The following IMMP2L variants were observed in gnomAD, a reference collection of about 807,000 sequenced individuals.
IMMP2L encodes inner mitochondrial membrane peptidase subunit 2.
A neutral mutation model predicts 19.3 loss-of-function variants in IMMP2L; 18 were observed. The observed-to-expected ratio is 0.93, with a 90% CI of 0.64 to 1.38. IMMP2L has a LOEUF of 1.38. IMMP2L is among the 40% of genes most tolerant of loss of function. The pLI is 0.00. For synonymous variants in IMMP2L, 76 were observed against 73.0 expected (o/e 1.04, Z -0.21); for missense variants, 233 against 218.2 (o/e 1.07, Z -0.43).
chr7:110,819,790 A>C (rs543436842), intron 5 of IMMP2L, among the ~76,000 whole-genome samples: 10 of 152,218 alleles, frequency 6.6e-5, no homozygotes, highest in Non-Finnish European at 1.3e-4. Context: ...TTCCTAGTTA[A>C]ATAATCATTA....
chr7:110,769,415 T>C (rs1323708159), intron 5 of IMMP2L, among the ~76,000 whole-genome samples: 1 of 152,172 alleles, frequency 6.6e-6, no homozygotes, highest in Non-Finnish European at 1.5e-5. Flanking sequence ...TAATTCCTCA[T>C]TATGCTGGGA....
At chr7:111,122,866 T>A in intron 3 of IMMP2L, 1 of 1,613,944 alleles carries the variant, frequency 6.2e-7, no homozygotes, top group Non-Finnish European at 8.5e-7. Context: ...TTGTCCACGG[T>A]TATGTACGTG....
At chr7:111,507,489 G>GT (rs1316787853) in intron 2 of IMMP2L, among the ~76,000 whole-genome samples, 1 of 151,972 alleles carries the variant, frequency 6.6e-6, no homozygotes, top group Non-Finnish European at 1.5e-5. Flanking sequence ...ACAGATCATC[G>GT]TAATTCCAGT....
intron 3 of IMMP2L, among the ~76,000 whole-genome samples, chr7:111,236,031 T>G (rs1193644117): frequency 6.6e-6 from 1 of 152,138 alleles, no homozygotes; most frequent in African/African-American, 2.4e-5. Flanking sequence ...GATTTAAGTC[T>G]TTTTCACATC....
chr7:110,917,833 G>C (rs1187653527), intron 4 of IMMP2L, among the ~76,000 whole-genome samples: 1 of 151,918 alleles, frequency 6.6e-6, no homozygotes, highest in East Asian at 1.9e-4. Context: ...ATTCCCAATT[G>C]GATAATAAGA....
At chr7:110,897,566 C>G (rs955214040) in intron 4 of IMMP2L, among the ~76,000 whole-genome samples, 1 of 152,162 alleles carries the variant, frequency 6.6e-6, no homozygotes, top group African/African-American at 2.4e-5. Flanking sequence ...AATTCATTTG[C>G]CTTAAGATCT....
intron 3 of IMMP2L, among the ~76,000 whole-genome samples, chr7:111,142,325 CA>C (rs761556733): frequency 0.13 from 8,218 of 62,178 alleles, 640 homozygotes; most frequent in African/African-American, 0.34. Context: ...GACTCTGTCT[CA>C]AAAAAAAAAA....
intron 3 of IMMP2L, among the ~76,000 whole-genome samples, chr7:111,297,264 C>T (rs577821551): frequency 6.6e-6 from 1 of 152,200 alleles, no homozygotes; most frequent in African/African-American, 2.4e-5. Context: ...ACCAACATCT[C>T]TTCCCTGCTT....
intron 1 of IMMP2L, among the ~76,000 whole-genome samples, chr7:111,536,985 A>G (rs1847944250): frequency 6.6e-6 from 1 of 152,128 alleles, no homozygotes; most frequent in African/African-American, 2.4e-5. Flanking sequence ...CAGGAAAAGC[A>G]GAGAAATCTT....
intron 2 of IMMP2L, among the ~76,000 whole-genome samples, chr7:111,493,892 C>G (rs1408889270): frequency 6.6e-6 from 1 of 150,860 alleles, no homozygotes; most frequent in South Asian, 2.1e-4. Flanking sequence ...CCCAGCTACT[C>G]GGGAGGCTGA....
intron 4 of IMMP2L, among the ~76,000 whole-genome samples, chr7:110,903,378 T>C (rs1320291183): frequency 2.6e-5 from 4 of 152,208 alleles, no homozygotes; most frequent in African/African-American, 9.6e-5. Flanking sequence ...CTTGCTTATC[T>C]GAAACTTTAT....
chr7:111,240,307 T>C lies in IMMP2L; in HGVS notation c.239+246931A>G, dbSNP rs115544106. Among the ~76,000 whole-genome samples the C allele has an allele frequency of 4.1e-3, 623 of 152,114 alleles. 9 individuals carry two copies. Among genetic ancestry groups the C allele is most frequent in the African/African-American group, 0.015 (603 of 41,560 alleles). ...TGTTCTTCTAAAAAGAGTAATTTAA[T>C]AACTTGACTTATTTAAGTTTGATTC... On this transcript the variant is annotated intron_variant, in intron 3 of 5. Coordinates refer to ENST00000405709, the MANE Select transcript of IMMP2L (RefSeq NM_032549.4).
chr7:110,748,601 C>A (rs984674254), intron 5 of IMMP2L, among the ~76,000 whole-genome samples: 4 of 151,972 alleles, frequency 2.6e-5, no homozygotes, highest in African/African-American at 9.7e-5. Flanking sequence ...GCCACACATA[C>A]ACAATCATCT....
intron 3 of IMMP2L, among the ~76,000 whole-genome samples, chr7:110,976,546 A>G (rs948154911): frequency 6.6e-6 from 1 of 152,104 alleles, no homozygotes; most frequent in Non-Finnish European, 1.5e-5. Context: ...GAGATTTTAA[A>G]AAATTTTATA....
chr7:111,402,123 AAATAATAATAATAATAATAATAATAAT>A (rs59071691), intron 3 of IMMP2L, among the ~76,000 whole-genome samples: 15 of 137,346 alleles, frequency 1.1e-4, no homozygotes, highest in African/African-American at 2.7e-4. Context: ...CCCATCTCAA[AAATAATAATAATAATAATAATAATAAT>A]AATAATAATA....
At chr7:111,231,367 G>A (rs1006173703) in intron 3 of IMMP2L, among the ~76,000 whole-genome samples, 8 of 151,938 alleles carry the variant, frequency 5.3e-5, no homozygotes, top group African/African-American at 1.7e-4. Flanking sequence ...AACAGCCACA[G>A]GTCTTCTTTG....
In IMMP2L at chr7:111,446,870, A is replaced by G. The variant is rs1469314136; in HGVS notation, c.239+40368T>C. On this transcript the variant is annotated intron_variant, in intron 3 of 5. Transcript: ENST00000405709. ...TACAGAGAAATGCTTAAAGGAGCTG[A>G]TGGAGCTGAAAACCAAGGCTCGAGA... 3.4e-3 allele frequency among the ~76,000 whole-genome samples: 512 copies of G among 151,404 alleles called. 6 individuals are homozygous for G. The highest frequency in any genetic ancestry group is 0.012 in the African/African-American group (494 of 41,122).
chr7:110,706,994 T>TTTA (rs1271542173), intron 5 of IMMP2L, among the ~76,000 whole-genome samples: 1 of 81,794 alleles, frequency 1.2e-5, no homozygotes, highest in Non-Finnish European at 2.4e-5. Context: ...CACTTAAATT[T>TTTA]TTTTTTTTAA....
At chr7:111,398,890 A>AG (rs983730239) in intron 3 of IMMP2L, among the ~76,000 whole-genome samples, 1 of 151,920 alleles carries the variant, frequency 6.6e-6, no homozygotes. Context: ...TGCAAAAAAA[A>AG]AAAAAAAATA....
Sources: allele counts gnomAD v4.1 joint callset (sites outside exome capture counted in the v4.1 genomes callset), GRCh38; gene constraint gnomAD v4.1.1; transcripts MANE v1.5; gene names NCBI Gene and HGNC (gene_info 2026-07-23, HGNC 2026-07-21).